The following PTPN3 variants were observed in gnomAD, a reference collection of about 807,000 sequenced individuals.
PTPN3 encodes the protein protein tyrosine phosphatase non-receptor type 3.
In PTPN3, 96 loss-of-function variants were observed where a neutral mutation model predicts 132.7. That is an observed-to-expected ratio of 0.72 (90% CI 0.61 to 0.86). The LOEUF is 0.86. PTPN3 is among the 40% of genes least tolerant of loss of function. PTPN3 has a pLI of 0.00. For missense variants in PTPN3, 1,125 were observed against 1,159.6 expected (o/e 0.97, Z 0.43); for synonymous variants, 398 against 429.0 (o/e 0.93, Z 0.89).
At chr9:109,461,851 C>G (rs950005066) in intron 2 of PTPN3, among the ~76,000 whole-genome samples, 2 of 152,264 alleles carry the variant, frequency 1.3e-5, no homozygotes, top group South Asian at 4.1e-4. Context: ...AGTGCAGACA[C>G]AGAATATTTC....
chr9:109,536,310 A>G, the PTPN3 span, among the ~76,000 whole-genome samples: 3 of 152,068 alleles, frequency 2.0e-5, no homozygotes, highest in Admixed American at 6.6e-5. Flanking sequence ...GCCGTTGTGA[A>G]TGGTGTATGC....
At chr9:109,409,181 C>G (rs1841874987) in intron 16 of PTPN3, among the ~76,000 whole-genome samples, 1 of 152,138 alleles carries the variant, frequency 6.6e-6, no homozygotes, top group South Asian at 2.1e-4. Flanking sequence ...AAACTAGTTA[C>G]AGAAACAGAT....
the PTPN3 span, among the ~76,000 whole-genome samples, chr9:109,522,804 T>C: frequency 1.3e-5 from 2 of 152,184 alleles, no homozygotes; most frequent in South Asian, 4.1e-4. Context: ...CAAAAGGGAA[T>C]GGTTGAGCAA....
chr9:109,472,704 T>C (rs934473293), intron 1 of PTPN3, among the ~76,000 whole-genome samples: 5 of 152,198 alleles, frequency 3.3e-5, no homozygotes, highest in African/African-American at 9.7e-5. Context: ...ATTTTTAGCC[T>C]GCTTTCTTGG....
chr9:109,500,072 C>T (rs565372362), upstream of PTPN3, among the ~76,000 whole-genome samples: 24 of 152,376 alleles, frequency 1.6e-4, no homozygotes, highest in East Asian at 4.6e-3. Context: ...CCTTTCCCCA[C>T]TGCCTTATCC....
intron 1 of PTPN3, among the ~76,000 whole-genome samples, chr9:109,486,198 T>C (rs570944940): frequency 9.8e-4 from 149 of 152,326 alleles, no homozygotes; most frequent in African/African-American, 3.4e-3. Context: ...CTGCTGAGTA[T>C]GTATTTGCAT....
chr9:109,495,594 A>G (rs75204852), intron 1 of PTPN3, among the ~76,000 whole-genome samples: 3,952 of 152,280 alleles, frequency 0.026, 146 homozygotes, highest in African/African-American at 0.088. Context: ...TTTGGCAGCA[A>G]CAAACCCCAC....
chr9:109,493,581 C>T (rs765518185), intron 1 of PTPN3, among the ~76,000 whole-genome samples: 2 of 152,196 alleles, frequency 1.3e-5, no homozygotes, highest in Non-Finnish European at 2.9e-5. Flanking sequence ...CAAAATGTTT[C>T]AAAAATTCCA....
chr9:109,448,677 T>C, intron 6 of PTPN3, 134 bp downstream of exon 6: 1 of 856,360 alleles, frequency 1.2e-6, no homozygotes, highest in Admixed American at 2.9e-5. Context: ...GTCCAAAGCC[T>C]AATGCTGTAC....
chr9:109,436,307 C>A (rs1375878288), intron 9 of PTPN3, among the ~76,000 whole-genome samples: 1 of 152,182 alleles, frequency 6.6e-6, no homozygotes, highest in East Asian at 1.9e-4. Flanking sequence ...GTTTCTCCAT[C>A]TGTAAAATGG....
At chr9:109,468,780 A>C (rs1846230001) in intron 1 of PTPN3, among the ~76,000 whole-genome samples, 2 of 152,280 alleles carry the variant, frequency 1.3e-5, no homozygotes, top group African/African-American at 4.8e-5. Context: ...TTGCACATGG[A>C]AAGTGCCTAG....
chr9:109,410,277 C>T lies in PTPN3; in HGVS notation c.1452G>A (p.Val484=), dbSNP rs1292796759. ...DQQLLDDFHR[V]TKGGSTEDAS... ...CGTCCTCGGTGGAGCCCCCTTTGGTCACCCTGTGGAAGTCATCTAAGAGCT... is the reference window on the plus strand; with the variant it reads ...CGTCCTCGGTGGAGCCCCCTTTGGTTACCCTGTGGAAGTCATCTAAGAGCT... Residue 484 remains valine, a synonymous_variant, in exon 15 of 26, where the codon GTG becomes GTA. Transcript: ENST00000374541. 12 of 1,613,882 alleles carry T rather than the reference C, an allele frequency of 7.4e-6. No homozygotes were observed. The highest frequency in any genetic ancestry group is 3.3e-5 in the Admixed American group (2 of 59,988).
chr9:109,526,872 G>T, the PTPN3 span, among the ~76,000 whole-genome samples: 23 of 152,200 alleles, frequency 1.5e-4, no homozygotes, highest in East Asian at 4.2e-3. Flanking sequence ...GCCATAAATG[G>T]TCATTGGATT....
chr9:109,430,510 C>T (rs576140697), intron 10 of PTPN3, among the ~76,000 whole-genome samples: 10 of 151,764 alleles, frequency 6.6e-5, no homozygotes, highest in East Asian at 1.9e-4. Context: ...GGGGCCTCAG[C>T]GGGGCTCCCT....
At chr9:109,463,633 T>C (rs926823076) in intron 1 of PTPN3, among the ~76,000 whole-genome samples, 182 bp from the exon 2 acceptor site, 1 of 152,234 alleles carries the variant, frequency 6.6e-6, no homozygotes, top group African/African-American at 2.4e-5. Flanking sequence ...AAGCAATATG[T>C]ATTGCTAAAT....
At chr9:109,422,588 T>C (rs1237468511) in intron 13 of PTPN3, 130 bp downstream of exon 13, 13 of 1,093,838 alleles carry the variant, frequency 1.2e-5, no homozygotes. Flanking sequence ...AACAGTTACT[T>C]CTGCCAAGAG....
intron 2 of PTPN3, among the ~76,000 whole-genome samples, chr9:109,458,611 G>A (rs1217241542): frequency 6.6e-6 from 1 of 152,164 alleles, no homozygotes; most frequent in Non-Finnish European, 1.5e-5. Context: ...GGCAGCCTCA[G>A]ATTATTCGGT....
At chr9:109,467,397 A>T (rs1846154629) in intron 1 of PTPN3, among the ~76,000 whole-genome samples, 1 of 152,114 alleles carries the variant, frequency 6.6e-6, no homozygotes, top group Non-Finnish European at 1.5e-5. Flanking sequence ...CAGCATCCTC[A>T]GGTGTGGCGC....
At position 109,410,071 on chromosome 9, in the gene PTPN3, A is replaced by T. The variant is rs368144041; in HGVS notation, c.1506T>A (p.Asp502Glu). The change falls in exon 16 of 26, where the codon GAT becomes GAA. Residue 502 changes from aspartate to glutamate, a missense_variant. Physicochemically the swap from Asp to Glu is conservative, Grantham distance 45. Transcript: ENST00000374541. ...TCAAGACTAAGTAGCTGTCACCATT[A>T]TCATTCTGGAAAACGGTTTGAAAGT... ...DASQYYCDKNDNGDSYLVLIR... is the reference protein window; with the variant it reads ...DASQYYCDKNENGDSYLVLIR... 1.2e-6 allele frequency: 2 copies of T among 1,614,246 alleles called. No individual in the cohort carries two copies. The highest frequency in any genetic ancestry group is 1.7e-6 in the Non-Finnish European group (2 of 1,180,050).
Sources: allele counts gnomAD v4.1 joint callset (sites outside exome capture counted in the v4.1 genomes callset), GRCh38; gene constraint gnomAD v4.1.1; transcripts MANE v1.5; gene names NCBI Gene and HGNC (gene_info 2026-07-23, HGNC 2026-07-21).